Variants in TMEM232 observed in about 807,000 individuals in gnomAD.
TMEM232 encodes transmembrane protein 232.
TMEM232 carries 80 observed loss-of-function variants against 78.8 expected under a neutral mutation model. That is an observed-to-expected ratio of 1.01 (90% CI 0.85 to 1.22). TMEM232 has a LOEUF of 1.22. Among genes scored for constraint, TMEM232 ranks in the 50% most tolerant of loss-of-function variants. The pLI, the probability that TMEM232 is intolerant of heterozygous loss-of-function variation, is 0.00. For missense variants in TMEM232, 881 were observed against 742.2 expected (o/e 1.19, Z -2.17); for synonymous variants, 297 against 254.3 (o/e 1.17, Z -1.60).
At chr5:110,725,624 C>T (rs1396960560) in intron 1 of TMEM232, 1 of 152,158 alleles carries the variant, frequency 6.6e-6, no homozygotes, top group African/African-American at 2.4e-5. Flanking sequence ...ATTACCCAAA[C>T]CAAGAATGTT....
intron 12 of TMEM232, among the ~76,000 whole-genome samples, chr5:110,465,471 T>C: frequency 6.6e-6 from 1 of 152,228 alleles, no homozygotes; most frequent in South Asian, 2.1e-4. Flanking sequence ...GGTTTCATTA[T>C]ATGGGTGTGA....
At chr5:110,651,501 G>A (rs1336097007) in intron 2 of TMEM232, among the ~76,000 whole-genome samples, 2 of 151,818 alleles carry the variant, frequency 1.3e-5, no homozygotes, top group Non-Finnish European at 2.9e-5. Flanking sequence ...AGAACATAAA[G>A]GAAAGAGGTT....
At chr5:110,630,247 A>G (rs1158032719) in intron 5 of TMEM232, among the ~76,000 whole-genome samples, 1 of 152,226 alleles carries the variant, frequency 6.6e-6, no homozygotes, top group Non-Finnish European at 1.5e-5. Context: ...TTCCAGTTGA[A>G]GACAGCTGAC....
chr5:110,485,343 G>C (rs1206057385), intron 12 of TMEM232, among the ~76,000 whole-genome samples: 1 of 152,084 alleles, frequency 6.6e-6, no homozygotes, highest in Admixed American at 6.6e-5. Context: ...TTGGTGTACA[G>C]GTGGTATTTG....
chr5:110,728,310 T>C (rs1798354133), upstream of TMEM232, among the ~76,000 whole-genome samples: 1 of 151,756 alleles, frequency 6.6e-6, no homozygotes, highest in African/African-American at 2.4e-5. Flanking sequence ...TATATATCAG[T>C]AGAATGAAAG....
At chr5:110,530,659 T>C (rs892516432) in intron 11 of TMEM232, among the ~76,000 whole-genome samples, 3 of 152,170 alleles carry the variant, frequency 2.0e-5, no homozygotes, top group African/African-American at 7.2e-5. Flanking sequence ...CTCACTTACA[T>C]GTAAAATCTA....
chr5:110,391,072 G>A (rs574465382), intron 3 of TMEM232, among the ~76,000 whole-genome samples: 15 of 152,282 alleles, frequency 9.9e-5, no homozygotes, highest in African/African-American at 1.9e-4. Context: ...TTATTAGTTC[G>A]TATATGTGTA....
intron 7 of TMEM232, among the ~76,000 whole-genome samples, chr5:110,620,055 T>C (rs1783435969): frequency 6.6e-6 from 1 of 152,176 alleles, no homozygotes; most frequent in Non-Finnish European, 1.5e-5. Context: ...ATTCTTGCAT[T>C]AATGTATTTA....
At chr5:110,709,263 T>C (rs904351036) in intron 1 of TMEM232, among the ~76,000 whole-genome samples, 1 of 151,996 alleles carries the variant, frequency 6.6e-6, no homozygotes, top group Non-Finnish European at 1.5e-5. Context: ...AAGAGAGAAA[T>C]AGATCTCAGC....
At chr5:110,670,236 T>A (rs996751856) in intron 1 of TMEM232, among the ~76,000 whole-genome samples, 1 of 152,146 alleles carries the variant, frequency 6.6e-6, no homozygotes, top group Non-Finnish European at 1.5e-5. Flanking sequence ...GAAAACCCCA[T>A]TGTCTCAGCC....
At chr5:110,466,275 A>T (rs1267190667) in intron 12 of TMEM232, among the ~76,000 whole-genome samples, 1 of 152,198 alleles carries the variant, frequency 6.6e-6, no homozygotes, top group African/African-American at 2.4e-5. Flanking sequence ...CATACACAAA[A>T]ACAGAATACC....
At position 110,456,177 on chromosome 5, in the gene TMEM232, A is replaced by T. The variant is rs537055430; in HGVS notation, c.1704-31261T>A. On this transcript the variant is annotated intron_variant, in intron 12 of 13. Transcript: ENST00000455884. Reference sequence around the variant, plus strand: ...CTACAGAAGAATAATCTACAAAATGAGGTTAGTTAGGTACATTAGAACTAG... The same window carrying T: ...CTACAGAAGAATAATCTACAAAATGTGGTTAGTTAGGTACATTAGAACTAG... Among the ~76,000 whole-genome samples the T allele has an allele frequency of 4.6e-5, 7 of 152,322 alleles. No individual in the cohort carries two copies. The East Asian group carries it at 1.2e-3, about 25-fold the overall frequency.
At chr5:110,560,893 T>C (rs1023053649) in intron 11 of TMEM232, among the ~76,000 whole-genome samples, 18 of 152,260 alleles carry the variant, frequency 1.2e-4, no homozygotes, top group African/African-American at 4.3e-4. Flanking sequence ...TAGCTGGTTA[T>C]AATCCCAACT....
intron 12 of TMEM232, among the ~76,000 whole-genome samples, chr5:110,494,407 T>G (rs1372567983): frequency 6.6e-6 from 1 of 152,068 alleles, no homozygotes; most frequent in East Asian, 1.9e-4. Context: ...CTATTTTTGT[T>G]TACCCACTAG....
At chr5:110,696,358 C>G (rs1329082813) in intron 1 of TMEM232, among the ~76,000 whole-genome samples, 2 of 152,112 alleles carry the variant, frequency 1.3e-5, no homozygotes, top group Non-Finnish European at 2.9e-5. Context: ...ACTGAATGGA[C>G]AAAAACTGGA....
At chr5:110,698,887 C>G (rs1341393259) in intron 1 of TMEM232, among the ~76,000 whole-genome samples, 1 of 151,982 alleles carries the variant, frequency 6.6e-6, no homozygotes, top group Non-Finnish European at 1.5e-5. Context: ...CTTTTATATT[C>G]CTTCTGAGAG....
intron 12 of TMEM232, among the ~76,000 whole-genome samples, chr5:110,502,684 C>G (rs962299479): frequency 6.6e-6 from 1 of 152,112 alleles, no homozygotes; most frequent in South Asian, 2.1e-4. Context: ...TTCCACTTTC[C>G]CCTCACTCAC....
intron 2 of TMEM232, among the ~76,000 whole-genome samples, chr5:110,414,162 T>C (rs1756100550): frequency 6.6e-6 from 1 of 152,244 alleles, no homozygotes; most frequent in Admixed American, 6.5e-5. Flanking sequence ...TCAAAATCCT[T>C]AGAAAGGTCA....
chr5:110,607,310 T>A (rs372269019), intron 8 of TMEM232, among the ~76,000 whole-genome samples: 1 of 152,040 alleles, frequency 6.6e-6, no homozygotes, highest in Non-Finnish European at 1.5e-5. Context: ...TAAGCTAGAT[T>A]AGTTGTAACT....
Sources: gnomAD v4.1 joint callset for allele counts (sites outside exome capture counted in the v4.1 genomes callset) on GRCh38, gnomAD v4.1.1 for gene constraint, MANE v1.5 for transcripts, NCBI Gene and HGNC (gene_info 2026-07-23, HGNC 2026-07-21) for gene names.